TNKS: variants seen among roughly 807,000 people sequenced by gnomAD.
TNKS encodes tankyrase, also known as poly [ADP-ribose] polymerase tankyrase-1.
A neutral mutation model predicts 135.8 loss-of-function variants in TNKS; 72 were observed. The ratio of observed to expected loss-of-function variants is 0.53; its 90% CI spans 0.44 to 0.64. The LOEUF (loss-of-function observed/expected upper bound fraction) is 0.64, where lower values mean the gene tolerates loss of function less well. TNKS is among the 30% of genes least tolerant of loss of function. The pLI, the probability that TNKS is intolerant of heterozygous loss-of-function variation, is 0.00. For missense variants in TNKS, 1,769 were observed against 1,674.0 expected, an observed-to-expected ratio of 1.06 and a Z score of -0.99; for synonymous variants, 849 against 649.3, an observed-to-expected ratio of 1.31 and a Z score of -4.68.
At chr8:9,638,836 T>C (rs1029116502) in intron 3 of TNKS, among the ~76,000 whole-genome samples, 1 of 152,112 alleles carries the variant, frequency 6.6e-6, no homozygotes, top group Admixed American at 6.5e-5. Context: ...TGAGGATGAA[T>C]ACAAAGCTCT....
intron 3 of TNKS, among the ~76,000 whole-genome samples, chr8:9,625,326 T>C (rs1800017846): frequency 6.6e-6 from 1 of 152,068 alleles, no homozygotes; most frequent in Non-Finnish European, 1.5e-5. Flanking sequence ...GTCAATTTTA[T>C]TGATCTTTTC....
chr8:9,655,859 G>T (rs1342967014), intron 3 of TNKS, among the ~76,000 whole-genome samples: 2 of 152,176 alleles, frequency 1.3e-5, no homozygotes, highest in African/African-American at 2.4e-5. Flanking sequence ...AAGGAACGCA[G>T]CTCCTCACCA....
intron 14 of TNKS, among the ~76,000 whole-genome samples, 182 bp from the exon 15 acceptor site, chr8:9,733,097 A>G (rs971371582): frequency 3.3e-5 from 5 of 152,212 alleles, no homozygotes; most frequent in Non-Finnish European, 7.3e-5. Flanking sequence ...AACATTTTTG[A>G]AATTATTACT....
chr8:9,779,589 C>G lies in TNKS; in HGVS notation c.*2853C>G, dbSNP rs1181192525. The G allele has an allele frequency of 6.6e-6, 1 of 152,146 alleles. No homozygotes were observed. The highest frequency in any genetic ancestry group is 1.9e-4 in the East Asian group (1 of 5,190). 9.4% of individuals were successfully genotyped at this position (152,146 alleles called of 1,614,324 possible). A position where few individuals can be genotyped will look rare whatever the true frequency, so the allele number is the denominator to read the frequency against. On this transcript the variant is annotated 3_prime_UTR_variant, in exon 27 of 27. Coordinates refer to ENST00000310430, the MANE Select transcript of TNKS (RefSeq NM_003747.3). ...GAACTTTCTCCCTGTATTTGACCTC[C>G]TTCCCTCTTTCCTAAATTACTAGTC...
intron 3 of TNKS, among the ~76,000 whole-genome samples, chr8:9,630,371 A>G (rs1800241288): frequency 6.6e-6 from 1 of 152,230 alleles, no homozygotes; most frequent in South Asian, 2.1e-4. Context: ...AAGAAATATT[A>G]GGGAGGCAAG....
At chr8:9,565,001 G>A (rs1427549249) in intron 1 of TNKS, among the ~76,000 whole-genome samples, 2 of 147,700 alleles carry the variant, frequency 1.4e-5, no homozygotes, top group East Asian at 2.1e-4. Flanking sequence ...GGATAACCCC[G>A]GGGCTCATTA....
Position 9,661,273 on chromosome 8 carries a change from C to G in TNKS, c.995-18678C>G, listed in dbSNP as rs564376020. Among the ~76,000 whole-genome samples, 12 of 152,252 alleles carry G rather than the reference C, an allele frequency of 7.9e-5. No homozygotes were observed. The South Asian group carries it at 2.5e-3, about 32-fold the overall frequency. ...GGAATCAAAAAAGAGCCTGCATTGC[C>G]AAGTCAATCCTAAGCTGAAAGAACA... is the stretch of plus-strand genomic sequence containing the variant. On this transcript the variant is annotated intron_variant, in intron 3 of 26. Transcript: ENST00000310430.
intron 2 of TNKS, among the ~76,000 whole-genome samples, chr8:9,581,015 T>G (rs1184025739): frequency 6.6e-6 from 1 of 152,212 alleles, no homozygotes; most frequent in Non-Finnish European, 1.5e-5. Flanking sequence ...CTAAAAAGCT[T>G]CTAGAGGGCA....
chr8:9,778,440 A>G lies in TNKS; in HGVS notation c.*1704A>G, dbSNP rs1005002112. The G allele has an allele frequency of 1.3e-5, 2 of 152,666 alleles. No homozygotes were observed. Among genetic ancestry groups the G allele is most frequent in the Admixed American group, 6.5e-5 (1 of 15,288 alleles). The allele number at this position is 152,666 out of a possible 1,614,324, so 9.5% of individuals were successfully genotyped here. On this transcript the variant is annotated 3_prime_UTR_variant, in exon 27 of 27. Transcript: ENST00000310430. ...ACTTCTAGAAATAGACTCTTAAAAT[A>G]TATACATTTTGCTTTGATTTTGGCT...
Position 9,674,866 on chromosome 8 carries a change from G to C in TNKS, c.995-5085G>C, listed in dbSNP as rs1012442238. 5.3e-5 allele frequency among the ~76,000 whole-genome samples: 8 copies of C among 152,188 alleles called. No individual in the cohort carries two copies. In the South Asian group the frequency reaches 1.7e-3, roughly 32 times the overall value. ...GTTTAGAATGGATGTTCAGTGTTTAGATTGGCCATGATTCTAGACTTAATT... is the reference window on the plus strand; with the variant it reads ...GTTTAGAATGGATGTTCAGTGTTTACATTGGCCATGATTCTAGACTTAATT... On this transcript the variant is annotated intron_variant, in intron 3 of 26. Coordinates refer to ENST00000310430, the MANE Select transcript of TNKS (RefSeq NM_003747.3).
intron 2 of TNKS, among the ~76,000 whole-genome samples, chr8:9,582,643 C>T (rs887969942): frequency 1.3e-5 from 2 of 152,122 alleles, no homozygotes; most frequent in African/African-American, 2.4e-5. Flanking sequence ...CTCTGTCTTT[C>T]CTTACATGTA....
At chr8:9,665,573 C>T (rs1801945617) in intron 3 of TNKS, among the ~76,000 whole-genome samples, 1 of 152,136 alleles carries the variant, frequency 6.6e-6, no homozygotes, top group Non-Finnish European at 1.5e-5. Context: ...CTACAAGATT[C>T]CATAAAAGGG....
At chr8:9,688,263 G>T (rs1409088565) in intron 5 of TNKS, among the ~76,000 whole-genome samples, 1 of 152,120 alleles carries the variant, frequency 6.6e-6, no homozygotes, top group Non-Finnish European at 1.5e-5. Flanking sequence ...TTAAGTAAAA[G>T]ACTATATTGT....
chr8:9,632,674 T>C (rs931256738), intron 3 of TNKS, among the ~76,000 whole-genome samples: 1 of 152,144 alleles, frequency 6.6e-6, no homozygotes, highest in African/African-American at 2.4e-5. Context: ...TACTGAAACA[T>C]TTGCTTGTTT....
Position 9,729,377 on chromosome 8 carries a change from G to A in TNKS, c.2002-1513G>A, listed in dbSNP as rs541846697. 5.3e-5 allele frequency among the ~76,000 whole-genome samples: 8 copies of A among 152,240 alleles called. No homozygotes were observed. In the South Asian group the frequency reaches 1.0e-3, roughly 20 times the overall value. On this transcript the variant is annotated intron_variant, in intron 13 of 26. Transcript: ENST00000310430. ...TGTAATAATAGCTTATTACTGTGAC[G>A]GAAGTGGCAGCAAAATTAGTGAATA...
chr8:9,746,880 A>T (rs541363411), intron 17 of TNKS, among the ~76,000 whole-genome samples: 4 of 60,298 alleles, frequency 6.6e-5, no homozygotes, highest in African/African-American at 1.7e-4. Flanking sequence ...ACCTACTTAA[A>T]CTTTTTTTTT....
intron 3 of TNKS, among the ~76,000 whole-genome samples, chr8:9,636,466 C>A (rs1800515937): frequency 6.6e-6 from 1 of 151,942 alleles, no homozygotes; most frequent in Non-Finnish European, 1.5e-5. Flanking sequence ...CATTTTACTT[C>A]TAACTGCATT....
chr8:9,766,771 A>C (rs1458375027), intron 25 of TNKS, among the ~76,000 whole-genome samples: 1 of 152,138 alleles, frequency 6.6e-6, no homozygotes, highest in Non-Finnish European at 1.5e-5. Flanking sequence ...GGCATGAGCC[A>C]CCGTGCCCAG....
At chr8:9,594,502 C>G (rs1452239121) in intron 2 of TNKS, among the ~76,000 whole-genome samples, 1 of 152,154 alleles carries the variant, frequency 6.6e-6, no homozygotes, top group African/African-American at 2.4e-5. Flanking sequence ...TTTTTGTTAT[C>G]ACAGAAAGTT....
Sources: allele counts gnomAD v4.1 joint callset (sites outside exome capture counted in the v4.1 genomes callset), GRCh38; gene constraint gnomAD v4.1.1; transcripts MANE v1.5; gene names NCBI Gene and HGNC (gene_info 2026-07-23, HGNC 2026-07-21).